OPN3: variants seen among roughly 807,000 people sequenced by gnomAD.
OPN3 encodes opsin-3.
Under a neutral mutation model 33.8 loss-of-function variants are expected in OPN3, and 29 were observed. The observed-to-expected ratio is 0.86, with a 90% CI of 0.64 to 1.17. The LOEUF (loss-of-function observed/expected upper bound fraction) is 1.17. OPN3 is among the 50% of genes most tolerant of loss of function. OPN3 has a pLI of 0.00. For missense variants in OPN3, 437 were observed against 514.1 expected (o/e 0.85, Z 1.45); for synonymous variants, 216 against 216.1 (o/e 1.00, Z 0.00).
intron 1 of OPN3, chr1:241,614,153 G>A (rs1664064643): frequency 6.6e-6 from 1 of 152,078 alleles, no homozygotes; most frequent in Admixed American, 6.5e-5. Flanking sequence ...GGGCAACAGA[G>A]TGAGACTCCG....
intron 1 of OPN3, chr1:241,632,751 TATTA>T (rs1362194158): frequency 6.6e-6 from 1 of 152,152 alleles, no homozygotes; most frequent in Non-Finnish European, 1.5e-5. Context: ...GTTATAGTGA[TATTA>T]ATTAAAGTGG....
chr1:241,596,299 G>A (rs1663506403), intron 3 of OPN3, among the ~76,000 whole-genome samples: 1 of 152,202 alleles, frequency 6.6e-6, no homozygotes, highest in Non-Finnish European at 1.5e-5. Flanking sequence ...AAATTCATAT[G>A]TGTGCATACT....
intron 2 of OPN3, among the ~76,000 whole-genome samples, chr1:241,601,410 C>A (rs1422175786): frequency 2.0e-5 from 3 of 151,068 alleles, no homozygotes; most frequent in Non-Finnish European, 4.4e-5. Flanking sequence ...AATGGATATA[C>A]CAAAAAATAT....
chr1:241,635,035 T>G, intron 1 of OPN3: 1 of 1,613,300 alleles, frequency 6.2e-7, no homozygotes, highest in Non-Finnish European at 8.5e-7. Flanking sequence ...AAAGATCAAT[T>G]AGCAATCCTT....
At chr1:241,596,309 TA>T (rs1227229311) in intron 3 of OPN3, among the ~76,000 whole-genome samples, 1 of 152,188 alleles carries the variant, frequency 6.6e-6, no homozygotes, top group South Asian at 2.1e-4. Flanking sequence ...GTGTGCATAC[TA>T]AAAAATTGTT....
At chr1:241,613,127 T>G (rs1664039844) in intron 1 of OPN3, among the ~76,000 whole-genome samples, 1 of 152,240 alleles carries the variant, frequency 6.6e-6, no homozygotes, top group African/African-American at 2.4e-5. Context: ...TTTATATTGC[T>G]TATTTGTTGA....
intron 1 of OPN3, chr1:241,633,722 G>A: frequency 1.3e-6 from 2 of 1,506,586 alleles, no homozygotes. Flanking sequence ...ACTCATATGG[G>A]AAACTGTCCT....
chr1:241,600,896 G>A (rs530195303), intron 2 of OPN3: 1 of 152,278 alleles, frequency 6.6e-6, no homozygotes, highest in East Asian at 1.9e-4. Context: ...TGGTGAGGAT[G>A]ATGCACACTG....
At chr1:241,612,423 G>A (rs989886578) in intron 1 of OPN3, among the ~76,000 whole-genome samples, 3 of 152,148 alleles carry the variant, frequency 2.0e-5, no homozygotes, top group African/African-American at 7.2e-5. Context: ...AAAACTCTAC[G>A]AAGATTGCTT....
intron 1 of OPN3, chr1:241,634,598 C>T: frequency 6.2e-7 from 1 of 1,613,822 alleles, no homozygotes; most frequent in Non-Finnish European, 8.5e-7. Context: ...ACACATCCTA[C>T]AGAAACCCTG....
intron 1 of OPN3, chr1:241,630,764 G>T (rs1214320896): frequency 6.6e-6 from 1 of 152,016 alleles, no homozygotes; most frequent in East Asian, 1.9e-4. Flanking sequence ...CATTGCCAGA[G>T]AAATAATTAA....
chr1:241,608,311 CATATCATGTTCAT>C (rs1215787430), intron 1 of OPN3, among the ~76,000 whole-genome samples: 1 of 152,134 alleles, frequency 6.6e-6, no homozygotes, highest in Admixed American at 6.5e-5. Context: ...CTGGTATGAG[CATATCATGTTCAT>C]ATATTCATTC....
At chr1:241,606,323 C>A (rs1335240311) in intron 1 of OPN3, among the ~76,000 whole-genome samples, 2 of 152,080 alleles carry the variant, frequency 1.3e-5, no homozygotes, top group African/African-American at 4.8e-5. Flanking sequence ...GCGGGTGGAT[C>A]ACCTGAGGTC....
chr1:241,609,242 C>T (rs1036404460), intron 1 of OPN3, among the ~76,000 whole-genome samples: 7 of 152,166 alleles, frequency 4.6e-5, no homozygotes, highest in African/African-American at 7.2e-5. Context: ...CGGTTATGCA[C>T]CAGGTCCCAT....
chr1:241,598,798 G>A (rs902950497), intron 2 of OPN3, among the ~76,000 whole-genome samples: 2 of 152,112 alleles, frequency 1.3e-5, no homozygotes, highest in Non-Finnish European at 2.9e-5. Flanking sequence ...CACCAAAAAT[G>A]TGTTCCTAAA....
intron 1 of OPN3, among the ~76,000 whole-genome samples, chr1:241,639,487 A>C (rs1665027487): frequency 6.6e-6 from 1 of 151,940 alleles, no homozygotes; most frequent in Non-Finnish European, 1.5e-5. Flanking sequence ...TTTTTTCTTG[A>C]ATCTCTTGAC....
At chr1:241,598,084 T>C in intron 2 of OPN3, 87 bp from the exon 3 acceptor site, 1 of 1,424,622 alleles carries the variant, frequency 7.0e-7, no homozygotes, top group Non-Finnish European at 9.4e-7. Context: ...TCAGACACCA[T>C]TCTTGGCCCC....
At chr1:241,637,276 CTTAGA>C (rs1664934687) in intron 1 of OPN3, among the ~76,000 whole-genome samples, 1 of 152,166 alleles carries the variant, frequency 6.6e-6, no homozygotes, top group Non-Finnish European at 1.5e-5. Context: ...TCAATTGGAA[CTTAGA>C]TTAAATTGCA....
At chr1:241,620,843 TTA>T (rs1424975886) in intron 1 of OPN3, among the ~76,000 whole-genome samples, 1 of 152,198 alleles carries the variant, frequency 6.6e-6, no homozygotes, top group Non-Finnish European at 1.5e-5. Context: ...TGACTAGTAG[TTA>T]TCATATTAGA....
Sources: gnomAD v4.1 joint callset for allele counts (sites outside exome capture counted in the v4.1 genomes callset) on GRCh38, gnomAD v4.1.1 for gene constraint, MANE v1.5 for transcripts, NCBI Gene and HGNC (gene_info 2026-07-23, HGNC 2026-07-21) for gene names.